The following NUMB variants were observed in gnomAD, a reference collection of about 807,000 sequenced individuals.
The protein encoded by NUMB is NUMB endocytic adaptor protein.
NUMB carries 29 observed loss-of-function variants against 59.7 expected under a neutral mutation model. The observed-to-expected ratio is 0.49, with a 90% CI of 0.36 to 0.66. NUMB has a LOEUF of 0.66. Among genes scored for constraint, NUMB ranks in the 30% least tolerant of loss-of-function variants. The pLI is 0.00. For missense variants in NUMB, 723 were observed against 822.0 expected (o/e 0.88, Z 1.47); for synonymous variants, 288 against 288.2 (o/e 1.00, Z 0.01).
chr14:73,292,894 AAGAAAG>A lies in NUMB; in HGVS notation c.310-26_310-21del, dbSNP rs755751060. The A allele has an allele frequency of 6.2e-7, 1 of 1,613,010 alleles. No individual in the cohort carries two copies. The highest frequency in any genetic ancestry group is 1.1e-5 in the South Asian group (1 of 91,048). ...GAGGTCCTAGAAAATACGACACACAAAGAAAGAGAAGACTTATGAGGTTATCTGAGC... is the reference window on the plus strand; with the variant it reads ...GAGGTCCTAGAAAATACGACACACAAAGAAGACTTATGAGGTTATCTGAGC... On this transcript the variant is annotated intron_variant, in intron 7 of 12. Transcript: ENST00000555238.
At position 73,275,612 on chromosome 14, in the gene NUMB, T is replaced by C. The variant is rs573956065; in HGVS notation, c.*966A>G. On this transcript the variant is annotated 3_prime_UTR_variant, in exon 13 of 13. Coordinates refer to ENST00000555238, the MANE Select transcript of NUMB (RefSeq NM_001005743.2). ...AAACTGCAGCAATATATAAAAGATA[T>C]ATTCTCTATAGAGCATATTTCGATT... is the stretch of plus-strand genomic sequence containing the variant. 3.3e-5 allele frequency: 5 copies of C among 152,340 alleles called. No individual in the cohort carries two copies. The highest frequency in any genetic ancestry group is 2.1e-4 in the South Asian group (1 of 4,828). 9.4% of individuals were successfully genotyped at this position (152,340 alleles called of 1,614,324 possible). A position where few individuals can be genotyped will look rare whatever the true frequency, so the allele number is the denominator to read the frequency against.
chr14:73,427,293 G>A (rs890767185), intron 1 of NUMB, among the ~76,000 whole-genome samples: 2 of 151,852 alleles, frequency 1.3e-5, no homozygotes, highest in African/African-American at 2.4e-5. Context: ...CCAACATGGT[G>A]AAATTTTGTA....
At chr14:73,329,096 G>A (rs1459439869) in intron 4 of NUMB, among the ~76,000 whole-genome samples, 1 of 152,102 alleles carries the variant, frequency 6.6e-6, no homozygotes, top group Non-Finnish European at 1.5e-5. Context: ...TGGAACTCCC[G>A]ACCTCAGGTG....
intron 1 of NUMB, chr14:73,457,749 G>A (rs1884496568): frequency 6.6e-6 from 1 of 152,474 alleles, no homozygotes; most frequent in Non-Finnish European, 1.5e-5. Flanking sequence ...GGGGCGCAGG[G>A]AGCTCCGGTT....
At chr14:73,287,670 A>G (rs187093374) in intron 8 of NUMB, among the ~76,000 whole-genome samples, 1 of 152,206 alleles carries the variant, frequency 6.6e-6, no homozygotes, top group Non-Finnish European at 1.5e-5. Context: ...GAGCCACCAC[A>G]CTCGGCCCAA....
chr14:73,305,620 C>T (rs1243435374), intron 6 of NUMB, among the ~76,000 whole-genome samples: 4 of 152,134 alleles, frequency 2.6e-5, no homozygotes, highest in African/African-American at 9.7e-5. Context: ...TGAAGAAATG[C>T]TATAAAGACA....
intron 5 of NUMB, among the ~76,000 whole-genome samples, chr14:73,322,343 G>C (rs1029490840): frequency 6.6e-6 from 1 of 152,204 alleles, no homozygotes; most frequent in Non-Finnish European, 1.5e-5. Context: ...TGAATACACA[G>C]GCATGTGCCT....
intron 4 of NUMB, among the ~76,000 whole-genome samples, chr14:73,349,179 G>T (rs1471421306): frequency 6.6e-6 from 1 of 152,204 alleles, no homozygotes; most frequent in African/African-American, 2.4e-5. Context: ...TCTGGCTCAT[G>T]CCTGTAATCT....
At chr14:73,458,021 C>G (rs1264079940) in intron 1 of NUMB, 1 of 152,706 alleles carries the variant, frequency 6.5e-6, no homozygotes, top group African/African-American at 2.4e-5. Context: ...CTCTCCTCAC[C>G]GGCCGCTGCC....
In NUMB at chr14:73,367,330, C is replaced by CATATATATATAT. The variant is rs369452106; in HGVS notation, c.-100-361_-100-350dup. ...ACACACACACACACACACATATATACATATATATATATATATATAGAGAGA... is the reference window on the plus strand; with the variant it reads ...ACACACACACACACACACATATATACATATATATATATATATATATATATATATATAGAGAGA... On this transcript the variant is annotated intron_variant, in intron 2 of 12. Coordinates refer to ENST00000555238, the MANE Select transcript of NUMB (RefSeq NM_001005743.2). Among the ~76,000 whole-genome samples the CATATATATATAT allele has an allele frequency of 3.7e-4, 43 of 116,090 alleles. No individual in the cohort carries two copies. The East Asian group carries it at 5.1e-3, about 14-fold the overall frequency. 76.2% of individuals were successfully genotyped at this position (116,090 alleles called of 152,430 possible).
chr14:73,352,991 T>G (rs1335692374), intron 4 of NUMB, among the ~76,000 whole-genome samples: 1 of 150,400 alleles, frequency 6.6e-6, no homozygotes, highest in Non-Finnish European at 1.5e-5. Context: ...AAATATTTAT[T>G]AAATACATAA....
intron 6 of NUMB, among the ~76,000 whole-genome samples, chr14:73,304,996 A>G (rs771658719): frequency 1.9e-4 from 28 of 150,636 alleles, no homozygotes; most frequent in Non-Finnish European, 3.8e-4. Flanking sequence ...TGAACTGCTG[A>G]CCTCAGGTGA....
intron 1 of NUMB, among the ~76,000 whole-genome samples, chr14:73,441,049 T>C (rs1883030325): frequency 6.6e-6 from 1 of 151,694 alleles, no homozygotes; most frequent in South Asian, 2.1e-4. Flanking sequence ...TACTTGTAAA[T>C]CATTATGTCT....
At chr14:73,455,696 A>C (rs983927340) in intron 1 of NUMB, among the ~76,000 whole-genome samples, 2 of 152,166 alleles carry the variant, frequency 1.3e-5, no homozygotes, top group Non-Finnish European at 2.9e-5. Flanking sequence ...GAAATACTTA[A>C]TATTTTTACT....
At chr14:73,385,299 C>T (rs1160341868) in intron 2 of NUMB, among the ~76,000 whole-genome samples, 1 of 130,210 alleles carries the variant, frequency 7.7e-6, no homozygotes, top group Admixed American at 7.6e-5. Context: ...AGGTGCATAC[C>T]AGTTAATTCT....
At chr14:73,279,481 C>A in intron 11 of NUMB, 57 bp from the exon 12 acceptor site, 3 of 1,486,616 alleles carry the variant, frequency 2.0e-6, no homozygotes, top group Non-Finnish European at 2.7e-6. Context: ...GTACAAGTGA[C>A]CCCTTGGAGC....
At chr14:73,447,604 G>A (rs760577103) in intron 1 of NUMB, among the ~76,000 whole-genome samples, 20 of 150,618 alleles carry the variant, frequency 1.3e-4, no homozygotes, top group Non-Finnish European at 2.8e-4. Flanking sequence ...TTGGGAGACT[G>A]AGGCAGGAGG....
chr14:73,372,958 T>A (rs1410529329), intron 2 of NUMB, among the ~76,000 whole-genome samples: 1 of 152,194 alleles, frequency 6.6e-6, no homozygotes, highest in Admixed American at 6.5e-5. Context: ...CTGATTCTGT[T>A]TATACTTTTA....
intron 1 of NUMB, among the ~76,000 whole-genome samples, chr14:73,452,098 G>T (rs575969150): frequency 6.6e-6 from 1 of 152,040 alleles, no homozygotes; most frequent in Non-Finnish European, 1.5e-5. Context: ...GGTGGCTCAC[G>T]CCTGGAATCC....
Sources: allele counts gnomAD v4.1 joint callset (sites outside exome capture counted in the v4.1 genomes callset), GRCh38; gene constraint gnomAD v4.1.1; transcripts MANE v1.5; gene names NCBI Gene and HGNC (gene_info 2026-07-23, HGNC 2026-07-21).